The following LPP variants were observed in gnomAD, a reference collection of about 807,000 sequenced individuals.
LPP encodes lipoma-preferred partner.
In LPP, 38 loss-of-function variants were observed where a neutral mutation model predicts 60.4. That is an observed-to-expected ratio of 0.63 (90% CI 0.49 to 0.83). The LOEUF (loss-of-function observed/expected upper bound fraction) is 0.83. Ranked by LOEUF, LPP falls within the 40% of genes least tolerant of loss-of-function variation. The pLI is 0.00. For synonymous variants in LPP, 328 were observed against 290.8 expected (o/e 1.13, Z -1.30); for missense variants, 902 against 783.6 (o/e 1.15, Z -1.80).
rs182009307 is a variant in LPP, at chr3:188,556,737, C to A, written c.429+31950C>A. On this transcript the variant is annotated intron_variant, in intron 6 of 11. Coordinates refer to ENST00000617246, the MANE Select transcript of LPP (RefSeq NM_001375462.1). ...ACCATAGCTTGTTCATATCTTAGAACCTTATGCAAGGGTTGGCACTTTTGG... is the reference window on the plus strand; with the variant it reads ...ACCATAGCTTGTTCATATCTTAGAAACTTATGCAAGGGTTGGCACTTTTGG... Among the ~76,000 whole-genome samples the A allele has an allele frequency of 2.8e-3, 428 of 151,534 alleles. 3 individuals are homozygous for A. The highest frequency in any genetic ancestry group is 1.0e-2 in the African/African-American group (412 of 41,376).
At chr3:188,528,485 C>G (rs1821281519) in intron 6 of LPP, among the ~76,000 whole-genome samples, 2 of 152,140 alleles carry the variant, frequency 1.3e-5, no homozygotes, top group Admixed American at 1.3e-4. Context: ...CTATACATGC[C>G]TCTCATAAAC....
intron 6 of LPP, among the ~76,000 whole-genome samples, chr3:188,569,435 G>A (rs1034678003): frequency 1.3e-5 from 2 of 151,952 alleles, no homozygotes; most frequent in Non-Finnish European, 2.9e-5. Flanking sequence ...GTAGGATAGT[G>A]CTTATCTACA....
chr3:188,240,539 G>A (rs143350743), intron 2 of LPP, among the ~76,000 whole-genome samples: 2,304 of 152,236 alleles, frequency 0.015, 42 homozygotes, highest in South Asian at 0.081. Flanking sequence ...GGAAACTGAT[G>A]TGCCTAGAGT....
At chr3:188,317,334 A>G (rs1325412383) in intron 2 of LPP, among the ~76,000 whole-genome samples, 2 of 151,800 alleles carry the variant, frequency 1.3e-5, no homozygotes, top group Non-Finnish European at 2.9e-5. Flanking sequence ...GTTATTATTC[A>G]TGCAGGGCAT....
At chr3:188,261,373 C>T (rs1733577259) in intron 2 of LPP, among the ~76,000 whole-genome samples, 1 of 151,030 alleles carries the variant, frequency 6.6e-6, no homozygotes, top group African/African-American at 2.4e-5. Flanking sequence ...CACACACACA[C>T]ATACACACAT....
chr3:188,357,553 G>A (rs561249722), intron 3 of LPP, among the ~76,000 whole-genome samples: 22 of 152,070 alleles, frequency 1.4e-4, no homozygotes, highest in South Asian at 4.2e-4. Context: ...GGATGCACCC[G>A]GGTTTAGGCT....
At chr3:188,290,684 G>T (rs1038192911) in intron 2 of LPP, among the ~76,000 whole-genome samples, 2 of 152,208 alleles carry the variant, frequency 1.3e-5, no homozygotes, top group African/African-American at 4.8e-5. Flanking sequence ...AAAGTTCTTG[G>T]CTTCTCTGTC....
chr3:188,472,542 T>C (rs1802104267), intron 4 of LPP: 1 of 152,224 alleles, frequency 6.6e-6, no homozygotes, highest in Non-Finnish European at 1.5e-5. Context: ...CATCATTTTA[T>C]ATAAATAGTA....
At chr3:188,269,798 G>A (rs1297980713) in intron 2 of LPP, among the ~76,000 whole-genome samples, 2 of 151,826 alleles carry the variant, frequency 1.3e-5, no homozygotes, top group African/African-American at 2.4e-5. Flanking sequence ...CTACAGGCGC[G>A]TGCCACCACG....
At chr3:188,726,055 C>T (rs996932728) in intron 8 of LPP, among the ~76,000 whole-genome samples, 1 of 152,046 alleles carries the variant, frequency 6.6e-6, no homozygotes, top group Non-Finnish European at 1.5e-5. Flanking sequence ...ACTAAAGAAT[C>T]TAGAGTCTGT....
intron 2 of LPP, among the ~76,000 whole-genome samples, chr3:188,227,891 T>C (rs1276409682): frequency 1.3e-5 from 2 of 152,214 alleles, no homozygotes; most frequent in African/African-American, 4.8e-5. Context: ...GAACCACTAT[T>C]CTCCTGAAAC....
intron 3 of LPP, among the ~76,000 whole-genome samples, chr3:188,368,928 G>T (rs115023743): frequency 0.037 from 5,682 of 152,130 alleles, 151 homozygotes; most frequent in Non-Finnish European, 0.061. Context: ...AGGGTCACCC[G>T]CCACATTTTA....
intron 5 of LPP, among the ~76,000 whole-genome samples, chr3:188,495,383 C>T (rs1809894674): frequency 6.6e-6 from 1 of 151,010 alleles, no homozygotes; most frequent in Non-Finnish European, 1.5e-5. Flanking sequence ...TATAACAGCA[C>T]AAGTATAATT....
At chr3:188,817,053 T>A (rs547092057) in intron 9 of LPP, among the ~76,000 whole-genome samples, 1 of 152,316 alleles carries the variant, frequency 6.6e-6, no homozygotes, top group East Asian at 1.9e-4. Context: ...TTGCAAATAA[T>A]TAAGATGGGA....
intron 9 of LPP, among the ~76,000 whole-genome samples, chr3:188,811,829 T>C (rs757598872): frequency 6.6e-5 from 10 of 152,166 alleles, no homozygotes; most frequent in Non-Finnish European, 1.2e-4. Context: ...TGTTTTCTTT[T>C]TCTTTAAATC....
At chr3:188,212,139 G>A (rs935379714) in intron 1 of LPP, among the ~76,000 whole-genome samples, 2 of 152,162 alleles carry the variant, frequency 1.3e-5, no homozygotes, top group Non-Finnish European at 2.9e-5. Flanking sequence ...GATTACAGGT[G>A]TGAGCCACTG....
At chr3:188,423,361 T>C (rs1164235077) in intron 4 of LPP, among the ~76,000 whole-genome samples, 1 of 152,232 alleles carries the variant, frequency 6.6e-6, no homozygotes, top group Non-Finnish European at 1.5e-5. Flanking sequence ...GGCATTTGGA[T>C]TGGTTCCAAA....
At chr3:188,263,327 G>T (rs1282721814) in intron 2 of LPP, among the ~76,000 whole-genome samples, 1 of 152,190 alleles carries the variant, frequency 6.6e-6, no homozygotes, top group African/African-American at 2.4e-5. Flanking sequence ...CCATTCACCA[G>T]CTCCAGTCAG....
At chr3:188,501,974 T>C (rs541575775) in intron 5 of LPP, among the ~76,000 whole-genome samples, 3 of 152,240 alleles carry the variant, frequency 2.0e-5, no homozygotes, top group East Asian at 1.9e-4. Context: ...TTTTGCAGTT[T>C]TACTTATGTC....
Sources: allele counts gnomAD v4.1 joint callset (sites outside exome capture counted in the v4.1 genomes callset), GRCh38; gene constraint gnomAD v4.1.1; transcripts MANE v1.5; gene names NCBI Gene and HGNC (gene_info 2026-07-23, HGNC 2026-07-21).